Variants in GPC6 observed in about 807,000 individuals in gnomAD.
GPC6 encodes the protein glypican-6.
A neutral mutation model predicts 55.2 loss-of-function variants in GPC6; 14 were observed. That is an observed-to-expected ratio of 0.25 (90% CI 0.17 to 0.40). The LOEUF (loss-of-function observed/expected upper bound fraction) is 0.40. Among genes scored for constraint, GPC6 ranks in the 10% least tolerant of loss-of-function variants. The pLI, the probability that GPC6 is intolerant of heterozygous loss-of-function variation, is 1.00. For synonymous variants in GPC6, 278 were observed against 259.6 expected, an observed-to-expected ratio of 1.07 and a Z score of -0.68; for missense variants, 641 against 708.5, an observed-to-expected ratio of 0.90 and a Z score of 1.08.
intron 3 of GPC6, among the ~76,000 whole-genome samples, chr13:93,919,927 C>G (rs1473592677): frequency 6.6e-6 from 1 of 152,194 alleles, no homozygotes; most frequent in Non-Finnish European, 1.5e-5. Context: ...CGCGTAGACA[C>G]GCACTCACTC....
intron 7 of GPC6, among the ~76,000 whole-genome samples, chr13:94,393,658 T>C (rs1880767934): frequency 1.3e-5 from 2 of 151,848 alleles, no homozygotes; most frequent in African/African-American, 4.8e-5. Flanking sequence ...GCTCCCCATT[T>C]CTCCCCATTC....
intron 1 of GPC6, among the ~76,000 whole-genome samples, chr13:93,473,778 C>T (rs561686986): frequency 7.9e-5 from 12 of 152,290 alleles, no homozygotes; most frequent in African/African-American, 2.9e-4. Context: ...CCAGCTCCAC[C>T]TCCTCCCTGT....
intron 4 of GPC6, among the ~76,000 whole-genome samples, chr13:94,159,778 T>C (rs185628771): frequency 6.6e-6 from 1 of 152,316 alleles, no homozygotes; most frequent in Admixed American, 6.5e-5. Flanking sequence ...TGGTCACTAG[T>C]ACTAATTAAA....
Position 94,139,224 on chromosome 13 carries a change from A to G in GPC6, c.877+111330A>G, listed in dbSNP as rs192313226. Among the ~76,000 whole-genome samples, 29 of 152,294 alleles carry G rather than the reference A, an allele frequency of 1.9e-4. No homozygotes were observed. In the East Asian group the frequency reaches 5.0e-3, roughly 26 times the overall value. On this transcript the variant is annotated intron_variant, in intron 4 of 8. Transcript: ENST00000377047. ...TGACATGACTCATATGCAGCCAACA[A>G]TGGTATTTTGTTTGGGTGATAGGTA...
At chr13:93,982,693 G>A (rs1035618502) in intron 3 of GPC6, among the ~76,000 whole-genome samples, 6 of 152,130 alleles carry the variant, frequency 3.9e-5, no homozygotes, top group Non-Finnish European at 5.9e-5. Flanking sequence ...TAAATGAGAT[G>A]GAACAGATTT....
intron 4 of GPC6, among the ~76,000 whole-genome samples, chr13:94,104,039 C>G (rs1323910223): frequency 2.0e-5 from 3 of 152,100 alleles, no homozygotes; most frequent in African/African-American, 7.2e-5. Flanking sequence ...AGTCTTTAAT[C>G]CATCTTGAAT....
chr13:93,559,344 A>T (rs1173349987), intron 2 of GPC6, among the ~76,000 whole-genome samples: 3 of 152,174 alleles, frequency 2.0e-5, no homozygotes, highest in Non-Finnish European at 1.5e-5. Context: ...ATTTCTTTCA[A>T]ATATCTTGCA....
At chr13:94,265,386 A>G (rs1481397779) in intron 4 of GPC6, among the ~76,000 whole-genome samples, 1 of 152,172 alleles carries the variant, frequency 6.6e-6, no homozygotes, top group African/African-American at 2.4e-5. Flanking sequence ...CATGGGAGAA[A>G]GATGTAGACT....
intron 4 of GPC6, among the ~76,000 whole-genome samples, chr13:94,196,185 G>GTT (rs34583361): frequency 7.1e-5 from 10 of 141,808 alleles, no homozygotes; most frequent in Non-Finnish European, 9.3e-5. Context: ...AACCTTTTCA[G>GTT]TTTTTTTTTT....
At chr13:93,841,461 T>A (rs1012835435) in intron 3 of GPC6, among the ~76,000 whole-genome samples, 1 of 152,112 alleles carries the variant, frequency 6.6e-6, no homozygotes, top group South Asian at 2.1e-4. Context: ...TCCTGATGAG[T>A]GATATTCAGC....
At chr13:94,025,530 T>G (rs1450554357) in intron 3 of GPC6, 2 of 152,042 alleles carry the variant, frequency 1.3e-5, no homozygotes, top group Admixed American at 6.6e-5. Flanking sequence ...AGTACTAACC[T>G]GGCCCAACCC....
intron 1 of GPC6, among the ~76,000 whole-genome samples, chr13:93,303,807 T>C (rs1054216308): frequency 6.6e-6 from 1 of 151,814 alleles, no homozygotes; most frequent in Non-Finnish European, 1.5e-5. Flanking sequence ...GCAGCGTCCA[T>C]AGAGTTTCAA....
intron 2 of GPC6, among the ~76,000 whole-genome samples, chr13:93,715,403 A>C (rs1317696493): frequency 1.3e-5 from 2 of 151,664 alleles, no homozygotes; most frequent in Non-Finnish European, 2.9e-5. Context: ...GTGGGAGCTA[A>C]ATATTGGGTA....
chr13:93,813,526 CTTA>C (rs1886761152), intron 2 of GPC6, among the ~76,000 whole-genome samples: 1 of 152,088 alleles, frequency 6.6e-6, no homozygotes, highest in African/African-American at 2.4e-5. Context: ...AACATTTTAT[CTTA>C]AAGATACAAT....
chr13:93,420,499 T>C (rs1015941655), intron 1 of GPC6, among the ~76,000 whole-genome samples: 1 of 152,058 alleles, frequency 6.6e-6, no homozygotes, highest in East Asian at 1.9e-4. Context: ...AGAGTGGGAA[T>C]GAGGTGAGGT....
intron 5 of GPC6, among the ~76,000 whole-genome samples, chr13:94,294,772 A>G (rs1212755156): frequency 6.6e-6 from 1 of 152,138 alleles, no homozygotes; most frequent in Non-Finnish European, 1.5e-5. Flanking sequence ...TTTTTGTTCC[A>G]GTATCATTTA....
intron 1 of GPC6, among the ~76,000 whole-genome samples, chr13:93,329,002 G>A (rs1184761893): frequency 1.3e-5 from 2 of 152,196 alleles, no homozygotes; most frequent in African/African-American, 2.4e-5. Context: ...ACCAGGGTGA[G>A]GTTGTTGGAT....
intron 1 of GPC6, among the ~76,000 whole-genome samples, chr13:93,289,851 T>G (rs1388274451): frequency 6.6e-6 from 1 of 152,178 alleles, no homozygotes; most frequent in Non-Finnish European, 1.5e-5. Context: ...TTCTTTTACA[T>G]TTTCTGAATT....
intron 4 of GPC6, among the ~76,000 whole-genome samples, chr13:94,097,963 T>C (rs762544401): frequency 6.6e-6 from 1 of 152,116 alleles, no homozygotes; most frequent in Non-Finnish European, 1.5e-5. Flanking sequence ...ACCAGGAAAT[T>C]GCTCTCATTC....
Sources: gnomAD v4.1 joint callset for allele counts (sites outside exome capture counted in the v4.1 genomes callset) on GRCh38, gnomAD v4.1.1 for gene constraint, MANE v1.5 for transcripts, NCBI Gene and HGNC (gene_info 2026-07-23, HGNC 2026-07-21) for gene names.